GPR107: variants seen among roughly 807,000 people sequenced by gnomAD.
GPR107 encodes protein GPR107.
In GPR107, 31 loss-of-function variants were observed where a neutral mutation model predicts 75.5. The observed-to-expected ratio is 0.41, with a 90% CI of 0.31 to 0.55. The LOEUF is 0.55. Ranked by LOEUF, GPR107 falls within the 20% of genes least tolerant of loss-of-function variation. The pLI, the probability that GPR107 is intolerant of heterozygous loss-of-function variation, is 0.26. For missense variants in GPR107, 572 were observed against 665.7 expected (o/e 0.86, Z 1.55); for synonymous variants, 267 against 251.3 (o/e 1.06, Z -0.59).
Position 130,112,590 on chromosome 9 carries a change from C to T in GPR107, c.1306+5051C>T, listed in dbSNP as rs963068704. Among the ~76,000 whole-genome samples the T allele has an allele frequency of 6.6e-6, 1 of 152,050 alleles. No homozygotes were observed. Among genetic ancestry groups the T allele is most frequent in the African/African-American group, 2.4e-5 (1 of 41,388 alleles). ...ACTGTTGATGTGATTAAATCTCAAC[C>T]CTTGCCTTTTAATATTCTGTGAGAC... On this transcript the variant is annotated intron_variant, in intron 14 of 17. Coordinates refer to ENST00000347136, the MANE Select transcript of GPR107 (RefSeq NM_020960.5). The surrounding 1 kb of genome is among the most constrained non-coding windows in gnomAD (Gnocchi z 4.0).
At chr9:130,110,625 G>A (rs1254027488) in intron 14 of GPR107, among the ~76,000 whole-genome samples, 1 of 152,248 alleles carries the variant, frequency 6.6e-6, no homozygotes, top group Admixed American at 6.5e-5. Context: ...ACCCTGAAAA[G>A]TGGTTATGCT....
chr9:130,090,863 T>C lies in GPR107; in HGVS notation c.622-13T>C. On this transcript the variant is annotated splice_polypyrimidine_tract_variant and intron_variant, in intron 7 of 17. Transcript: ENST00000347136. Reference sequence around the variant, plus strand: ...ATTTGGGTACCTTTAAATGTTTTCTTCTTCACTTTCAGTTTTTCTTTAACA... The same window carrying C: ...ATTTGGGTACCTTTAAATGTTTTCTCCTTCACTTTCAGTTTTTCTTTAACA... 1.0e-6 allele frequency: 1 copy of C among 976,308 alleles called. No individual in the cohort carries two copies. Among genetic ancestry groups the C allele is most frequent in the Non-Finnish European group, 1.6e-6 (1 of 621,288 alleles). 60.5% of individuals were successfully genotyped at this position (976,308 alleles called of 1,614,324 possible).
chr9:130,091,695 A>ATTT (rs200927249), intron 8 of GPR107, among the ~76,000 whole-genome samples: 2 of 131,520 alleles, frequency 1.5e-5, no homozygotes, highest in African/African-American at 2.8e-5. Flanking sequence ...TGCCTGGCTA[A>ATTT]TTTTTTTTTT....
chr9:130,093,247 AC>A (rs1415426839), intron 9 of GPR107, among the ~76,000 whole-genome samples: 15 of 152,120 alleles, frequency 9.9e-5, no homozygotes, highest in Middle Eastern at 3.4e-3. Flanking sequence ...AACTTCCTGT[AC>A]TTGGTTCTTG....
At chr9:130,093,841 A>G (rs182539751) in intron 9 of GPR107, among the ~76,000 whole-genome samples, 3 of 149,450 alleles carry the variant, frequency 2.0e-5, no homozygotes, top group Admixed American at 2.0e-4. Flanking sequence ...ATGGATTCTC[A>G]CTCTCTCCCC....
At chr9:130,115,963 A>C (rs1253624720) in intron 14 of GPR107, among the ~76,000 whole-genome samples, 1 of 152,122 alleles carries the variant, frequency 6.6e-6, no homozygotes, top group African/African-American at 2.4e-5. Flanking sequence ...TAATCACCAA[A>C]ACTCTCTTGT....
At chr9:130,059,767 T>A (rs1293101678) in intron 1 of GPR107, among the ~76,000 whole-genome samples, 1 of 149,210 alleles carries the variant, frequency 6.7e-6, no homozygotes, top group African/African-American at 2.5e-5. Context: ...GAGATGGAGT[T>A]TGTTCTTGTT....
chr9:130,099,329 GT>G (rs1830956801), intron 9 of GPR107, 127 bp from the exon 10 acceptor site: 1 of 569,062 alleles, frequency 1.8e-6, no homozygotes, highest in Non-Finnish European at 3.1e-6. Flanking sequence ...AAAAAAAAAA[GT>G]TTCATGTTTG....
chr9:130,056,547 T>G (rs1736844373), intron 1 of GPR107, among the ~76,000 whole-genome samples: 1 of 152,182 alleles, frequency 6.6e-6, no homozygotes. Flanking sequence ...AAAGTTGTTT[T>G]GGGTCACACC....
chr9:130,076,303 A>G (rs1471187070), intron 2 of GPR107, 109 bp from the exon 3 acceptor site: 2 of 641,912 alleles, frequency 3.1e-6, no homozygotes, highest in Non-Finnish European at 5.6e-6. Flanking sequence ...ATGAATGCTA[A>G]GAAAACAGAG....
In GPR107 at chr9:130,079,706, G is replaced by T. The variant is rs1312242243; in HGVS notation, c.463G>T (p.Gly155Cys). The change falls in exon 5 of 18, where the codon GGT becomes TGT. Residue 155 changes from glycine to cysteine, a missense_variant. By Grantham distance (159) the Gly-to-Cys change is radical. Transcript: ENST00000347136. Reference sequence around the variant, plus strand: ...CTTCAGCAGGGATGAGAAAGTCCTTGGTCAGAGCCAGGAGCCTAATGTTAA... The same window carrying T: ...CTTCAGCAGGGATGAGAAAGTCCTTTGTCAGAGCCAGGAGCCTAATGTTAA... ...IIFSRDEKVL[G>C]QSQEPNVNPA... is the part of the protein sequence containing the mutation. The T allele has an allele frequency of 3.1e-6, 5 of 1,612,578 alleles. No individual in the cohort carries two copies. The highest frequency in any genetic ancestry group is 4.2e-6 in the Non-Finnish European group (5 of 1,178,830).
At chr9:130,134,889 C>T (rs1831912266) in intron 17 of GPR107, 136 bp from the exon 18 acceptor site, 1 of 672,290 alleles carries the variant, frequency 1.5e-6, no homozygotes, top group African/African-American at 1.8e-5. Flanking sequence ...AGGAACGAAC[C>T]AGGAATCACA....
intron 14 of GPR107, among the ~76,000 whole-genome samples, chr9:130,111,191 C>G (rs1831290936): frequency 6.6e-6 from 1 of 151,974 alleles, no homozygotes; most frequent in South Asian, 2.1e-4. Context: ...TTAGGCCAGG[C>G]ATGGTGGCTT....
At chr9:130,063,336 G>T (rs993483561) in intron 1 of GPR107, among the ~76,000 whole-genome samples, 1 of 151,892 alleles carries the variant, frequency 6.6e-6, no homozygotes, top group South Asian at 2.1e-4. Context: ...GACTACAGGC[G>T]TTTGCCACCA....
intron 9 of GPR107, among the ~76,000 whole-genome samples, chr9:130,096,666 C>T (rs1830880635): frequency 6.6e-6 from 1 of 152,056 alleles, no homozygotes; most frequent in African/African-American, 2.4e-5. Context: ...CGGGGTTTCA[C>T]TACGTTGGCC....
At chr9:130,116,128 G>A (rs893607638) in intron 14 of GPR107, among the ~76,000 whole-genome samples, 1 of 152,118 alleles carries the variant, frequency 6.6e-6, no homozygotes, top group African/African-American at 2.4e-5. Context: ...CATATCATCC[G>A]GCTGAGAAGC....
intron 17 of GPR107, among the ~76,000 whole-genome samples, chr9:130,134,434 C>A (rs1831902531): frequency 1.3e-5 from 2 of 152,196 alleles, no homozygotes; most frequent in Non-Finnish European, 1.5e-5. Flanking sequence ...CGGGAGCTCA[C>A]AGAGTGGAGG....
At chr9:130,060,896 G>A (rs2132534143) in intron 1 of GPR107, among the ~76,000 whole-genome samples, 1 of 152,316 alleles carries the variant, frequency 6.6e-6, no homozygotes, top group Middle Eastern at 3.4e-3. Flanking sequence ...TTCTGGGCTA[G>A]TCATATTAGA....
rs1030912080 is a variant in GPR107 at position 130,055,295 on chromosome 9, A to G, written c.141+1222A>G. On this transcript the variant is annotated intron_variant, in intron 1 of 17. Coordinates refer to ENST00000347136, the MANE Select transcript of GPR107 (RefSeq NM_020960.5). ...ATCCTGGCTAGCACGGTGAAACCCT[A>G]TCTCTACTAAAAATAAAAAAAAAAT... Among the ~76,000 whole-genome samples the G allele has an allele frequency of 4.7e-5, 5 of 106,224 alleles. No homozygotes were observed. In the East Asian group the frequency reaches 1.1e-3, roughly 24 times the overall value. The allele number at this position is 106,224 out of a possible 152,430, so 69.7% of individuals were successfully genotyped here.
Sources: allele counts gnomAD v4.1 joint callset (sites outside exome capture counted in the v4.1 genomes callset), GRCh38; gene constraint gnomAD v4.1.1; non-coding constraint Gnocchi (gnomAD v3.1); transcripts MANE v1.5; gene names NCBI Gene and HGNC (gene_info 2026-07-23, HGNC 2026-07-21).